The following CNOT4 variants were observed in gnomAD, a reference collection of about 807,000 sequenced individuals.
CNOT4 encodes the protein CCR4-NOT transcription complex subunit 4.
A neutral mutation model predicts 73.8 loss-of-function variants in CNOT4; 8 were observed. That is an observed-to-expected ratio of 0.11 (90% confidence interval 0.06 to 0.20). The LOEUF (loss-of-function observed/expected upper bound fraction) is 0.20. Among genes scored for constraint, CNOT4 ranks in the 10% least tolerant of loss-of-function variants. CNOT4 has a pLI of 1.00. For synonymous variants in CNOT4, 293 were observed against 321.1 expected, an observed-to-expected ratio of 0.91 and a Z score of 0.94; for missense variants, 564 against 883.4, an observed-to-expected ratio of 0.64 and a Z score of 4.58.
chr7:135,394,948 T>G (rs559455552), intron 9 of CNOT4, among the ~76,000 whole-genome samples: 6 of 152,186 alleles, frequency 3.9e-5, no homozygotes, highest in African/African-American at 1.4e-4. Context: ...ATGAGAGAAT[T>G]TAGAATGGAT....
At chr7:135,387,987 G>T (rs1384277746) in intron 10 of CNOT4, 1 of 982,598 alleles carries the variant, frequency 1.0e-6, no homozygotes, top group African/African-American at 1.7e-5. Flanking sequence ...TGTTTGTTCA[G>T]TAACAATGTT....
intron 1 of CNOT4, among the ~76,000 whole-genome samples, chr7:135,494,516 T>G (rs1232779320): frequency 6.6e-6 from 1 of 150,464 alleles, no homozygotes; most frequent in African/African-American, 2.4e-5. Flanking sequence ...CTTTGAACAC[T>G]TTTCTCCATC....
rs971056157 is a variant in CNOT4 at position 135,364,910 on chromosome 7, A to G, written c.1628-844T>C. On this transcript the variant is annotated intron_variant, in intron 10 of 11. Transcript: ENST00000541284. The surrounding 1 kb of genome is among the most constrained non-coding windows in gnomAD (Gnocchi z 4.3). ...ATAGTATAACTAACTGGTCAGGGGG[A>G]AAAGGGTGAAGTATAACAACTACCT... is the stretch of plus-strand genomic sequence containing the variant. Among the ~76,000 whole-genome samples, 3 of 152,230 alleles carry G rather than the reference A, an allele frequency of 2.0e-5. No individual in the cohort carries two copies. The highest frequency in any genetic ancestry group is 2.9e-5 in the Non-Finnish European group (2 of 68,042).
Position 135,462,796 on chromosome 7 carries a change from A to G in CNOT4, c.-92-24373T>C, listed in dbSNP as rs10269480. Among the ~76,000 whole-genome samples the G allele has an allele frequency of 3.5e-3, 530 of 152,344 alleles. 4 individuals are homozygous for G. Among genetic ancestry groups the G allele is most frequent in the African/African-American group, 0.012 (501 of 41,584 alleles). ...TCTATAGACCTGAGCTTCGGTCAGT[A>G]AAATGAAGAGGTTGTATTAGATAAA... On this transcript the variant is annotated intron_variant, in intron 1 of 11. Coordinates refer to ENST00000541284, the MANE Select transcript of CNOT4 (RefSeq NM_001190850.2).
At chr7:135,479,596 C>CA (rs756336352) in intron 1 of CNOT4, among the ~76,000 whole-genome samples, 120 of 150,364 alleles carry the variant, frequency 8.0e-4, no homozygotes, top group Non-Finnish European at 1.3e-3. Context: ...GAATTTGACT[C>CA]AAAAAAAAGA....
chr7:135,380,830 G>A (rs920413886), intron 10 of CNOT4, among the ~76,000 whole-genome samples: 17 of 151,908 alleles, frequency 1.1e-4, no homozygotes, highest in Non-Finnish European at 1.9e-4. Flanking sequence ...GTTATTATTC[G>A]GTCTTTAAAA....
chr7:135,470,456 T>C (rs117120590), intron 1 of CNOT4, among the ~76,000 whole-genome samples: 2,746 of 151,880 alleles, frequency 0.018, 30 homozygotes, highest in South Asian at 0.036. Context: ...TTATTCATAA[T>C]AGCCAAAACA....
intron 1 of CNOT4, among the ~76,000 whole-genome samples, chr7:135,476,436 C>T (rs577100795): frequency 1.4e-4 from 21 of 152,020 alleles, no homozygotes; most frequent in African/African-American, 2.7e-4. Context: ...ATGGAGTATA[C>T]GAAAACTATA....
At chr7:135,376,018 GT>G (rs1563012403) in intron 10 of CNOT4, among the ~76,000 whole-genome samples, 1 of 150,344 alleles carries the variant, frequency 6.7e-6, no homozygotes, top group East Asian at 1.9e-4. Context: ...GGTTTCCCAA[GT>G]TCAGAGGAAA....
At chr7:135,500,898 A>G (rs888440913) in intron 1 of CNOT4, among the ~76,000 whole-genome samples, 3 of 151,954 alleles carry the variant, frequency 2.0e-5, no homozygotes, top group African/African-American at 4.8e-5. Context: ...AATAAAGATA[A>G]TATTTCTTTA....
intron 2 of CNOT4, among the ~76,000 whole-genome samples, chr7:135,431,810 A>G (rs899415110): frequency 1.3e-5 from 2 of 148,338 alleles, no homozygotes; most frequent in Non-Finnish European, 3.0e-5. Context: ...TATAACAAAC[A>G]TGCTGTACTA....
At chr7:135,509,797 G>A in intron 1 of CNOT4, 92 bp downstream of exon 1, 2 of 372,014 alleles carry the variant, frequency 5.4e-6, no homozygotes, top group Middle Eastern at 6.7e-4. Flanking sequence ...GGAGAAAGGG[G>A]GGTGCGGCCT....
At chr7:135,488,044 G>A (rs1563079059) in intron 1 of CNOT4, among the ~76,000 whole-genome samples, 1 of 151,550 alleles carries the variant, frequency 6.6e-6, no homozygotes, top group African/African-American at 2.4e-5. Flanking sequence ...CTGGGCGACA[G>A]AGTGAGACTC....
At position 135,394,405 on chromosome 7, in the gene CNOT4, TG is replaced by T; in HGVS notation, c.1139del (p.Pro380GlnfsTer36). 1 of 1,605,346 alleles carries T rather than the reference TG, an allele frequency of 6.2e-7. No individual in the cohort carries two copies. ...PQSLFTSETI[P>X]VSSSTDWQAA... is the part of the protein sequence containing the mutation. Reference sequence around the variant, plus strand: ...CTTGCCAGTCTGTAGAGGATGATACTGGGATTGTTTCTGTTGGGAAGAAAAA... The same window carrying T: ...CTTGCCAGTCTGTAGAGGATGATACTGGATTGTTTCTGTTGGGAAGAAAAA... On this transcript the variant is annotated frameshift_variant, in exon 10 of 12. Coordinates refer to ENST00000541284, the MANE Select transcript of CNOT4 (RefSeq NM_001190850.2). LOFTEE classifies it high-confidence loss of function.
At chr7:135,483,969 G>A (rs776141871) in intron 1 of CNOT4, among the ~76,000 whole-genome samples, 2 of 152,002 alleles carry the variant, frequency 1.3e-5, no homozygotes, top group African/African-American at 2.4e-5. Context: ...CAAGGTAGGC[G>A]GATCACTTGA....
At chr7:135,415,104 G>C in intron 4 of CNOT4, 72 bp downstream of exon 4, 1 of 875,278 alleles carries the variant, frequency 1.1e-6, no homozygotes, top group South Asian at 1.5e-5. Context: ...AGAGAGCAAA[G>C]TTTCCTTTGG....
intron 10 of CNOT4, among the ~76,000 whole-genome samples, chr7:135,382,537 T>C (rs1479378860): frequency 2.0e-5 from 3 of 150,188 alleles, no homozygotes; most frequent in Admixed American, 2.0e-4. Context: ...ATTAGAAAAC[T>C]AAGGTTGCTT....
At chr7:135,387,087 C>T (rs1796157703) in intron 10 of CNOT4, 1 of 984,554 alleles carries the variant, frequency 1.0e-6, no homozygotes, top group Non-Finnish European at 1.2e-6. Flanking sequence ...AAGTCTTGGC[C>T]TCTTACAGTA....
Position 135,362,859 on chromosome 7 carries a change from A to C in CNOT4, c.*26T>G. ...GAAAACAGAGTGGGACAAATCCTGC[A>C]TTTTCTAATGGTTGCTCCTCTTTGC... On this transcript the variant is annotated 3_prime_UTR_variant, in exon 12 of 12. Coordinates refer to ENST00000541284, the MANE Select transcript of CNOT4 (RefSeq NM_001190850.2). 1 of 1,597,882 alleles carries C rather than the reference A, an allele frequency of 6.3e-7. No homozygotes were observed. Among genetic ancestry groups the C allele is most frequent in the Non-Finnish European group, 8.6e-7 (1 of 1,166,974 alleles).
Sources: allele counts gnomAD v4.1 joint callset (sites outside exome capture counted in the v4.1 genomes callset), GRCh38; gene constraint gnomAD v4.1.1; non-coding constraint Gnocchi (gnomAD v3.1); transcripts MANE v1.5; gene names NCBI Gene and HGNC (gene_info 2026-07-23, HGNC 2026-07-21).